KCNH1: variants seen among roughly 807,000 people sequenced by gnomAD.
KCNH1 encodes the protein potassium voltage-gated channel subfamily H member 1.
A neutral mutation model predicts 69.2 loss-of-function variants in KCNH1; 27 were observed. That is an observed-to-expected ratio of 0.39 (90% CI 0.29 to 0.54). KCNH1 has a LOEUF of 0.54. KCNH1 is among the 20% of genes least tolerant of loss of function. The probability of loss-of-function intolerance (pLI) is 0.68; values close to 1 mark genes in which losing one functional copy is unlikely to be tolerated. For synonymous variants in KCNH1, 456 were observed against 487.7 expected (o/e 0.93, Z 0.86); for missense variants, 798 against 1,261.6 (o/e 0.63, Z 5.57).
At chr1:211,124,230 T>C (rs1391685911) in intron 1 of KCNH1, among the ~76,000 whole-genome samples, 1 of 152,188 alleles carries the variant, frequency 6.6e-6, no homozygotes, top group Non-Finnish European at 1.5e-5. Flanking sequence ...CTCACTGAAC[T>C]GAAAAGCAAG....
intron 10 of KCNH1, among the ~76,000 whole-genome samples, chr1:210,721,998 C>T (rs1487432524): frequency 6.6e-6 from 1 of 152,152 alleles, no homozygotes; most frequent in Non-Finnish European, 1.5e-5. Context: ...CCTGCCACTT[C>T]CCTCCACTGC....
At chr1:210,693,712 T>A (rs1039326688) in intron 10 of KCNH1, among the ~76,000 whole-genome samples, 6 of 152,194 alleles carry the variant, frequency 3.9e-5, no homozygotes, top group African/African-American at 1.4e-4. Flanking sequence ...TTACATCATC[T>A]TATTCACTCT....
intron 10 of KCNH1, among the ~76,000 whole-genome samples, chr1:210,719,772 T>C (rs1285283528): frequency 1.3e-5 from 2 of 152,194 alleles, no homozygotes; most frequent in African/African-American, 4.8e-5. Flanking sequence ...ATGAATAATT[T>C]AACTTTTAAT....
intron 7 of KCNH1, among the ~76,000 whole-genome samples, chr1:210,842,324 T>C (rs1372953224): frequency 6.6e-6 from 1 of 152,182 alleles, no homozygotes; most frequent in Non-Finnish European, 1.5e-5. Flanking sequence ...ATAACAAGTG[T>C]TATCTTAAAA....
At chr1:211,014,321 G>A (rs924568) in intron 6 of KCNH1, among the ~76,000 whole-genome samples, 107,915 of 152,148 alleles carry the variant, frequency 0.71, 39,215 homozygotes, top group African/African-American at 0.87. Flanking sequence ...TGACATACCC[G>A]TTCTAAGCTT....
chr1:211,121,009 A>ACTGCTC (rs1203173808), intron 1 of KCNH1, among the ~76,000 whole-genome samples: 1 of 152,186 alleles, frequency 6.6e-6, no homozygotes, highest in Non-Finnish European at 1.5e-5. Flanking sequence ...AGAACAAACT[A>ACTGCTC]CTGCTCAGGG....
chr1:210,881,194 G>C (rs978775148), intron 7 of KCNH1, among the ~76,000 whole-genome samples: 1 of 152,040 alleles, frequency 6.6e-6, no homozygotes, highest in Non-Finnish European at 1.5e-5. Context: ...GTTGAGATGG[G>C]CTTTCACTAC....
In KCNH1 at chr1:210,797,523, C is replaced by T; in HGVS notation, c.1900G>A (p.Val634Met). Residue 634 changes from valine to methionine, a missense_variant, in exon 9 of 11, where the codon GTG (valine) becomes ATG (methionine). Transcript: ENST00000271751. ...GSLEVIQDDEVVAILGKGDVF... is the reference protein window; with the variant it reads ...GSLEVIQDDEMVAILGKGDVF... ...CAACACCTACCTAGAATGGCCACCA[C>T]CTCATCATCTTGGATCACCTCCAGG... 6.2e-7 allele frequency: 1 copy of T among 1,614,178 alleles called. No homozygotes were observed. Among genetic ancestry groups the T allele is most frequent in the Non-Finnish European group, 8.5e-7 (1 of 1,180,010 alleles).
chr1:210,760,009 C>T (rs1558458216), intron 10 of KCNH1, among the ~76,000 whole-genome samples: 1 of 152,180 alleles, frequency 6.6e-6, no homozygotes, highest in African/African-American at 2.4e-5. Context: ...TCATAGGAGT[C>T]TGAACCCTAT....
At chr1:210,744,109 T>G (rs2149038609) in intron 10 of KCNH1, among the ~76,000 whole-genome samples, 2 of 152,310 alleles carry the variant, frequency 1.3e-5, no homozygotes, top group Middle Eastern at 6.8e-3. Flanking sequence ...CTCTCATTTT[T>G]CCTGTAGAGG....
At chr1:211,038,719 C>G (rs1689942278) in intron 5 of KCNH1, among the ~76,000 whole-genome samples, 2 of 151,992 alleles carry the variant, frequency 1.3e-5, no homozygotes, top group Non-Finnish European at 2.9e-5. Context: ...TTGCCCCTGC[C>G]CTAGTGATTT....
chr1:210,705,098 C>G (rs1049254949), intron 10 of KCNH1, among the ~76,000 whole-genome samples: 5 of 152,168 alleles, frequency 3.3e-5, no homozygotes, highest in Non-Finnish European at 7.3e-5. Flanking sequence ...ATCTCACTTG[C>G]ATTACCAACT....
rs530255577 is a variant in KCNH1, at chr1:210,711,065, C to T, written c.2113-26927G>A. ...TGGTTCAGTCCACTGTGAACTGGCT[C>T]TCTGGCTCCCAAATCTCCCTTTATT... On this transcript the variant is annotated intron_variant, in intron 10 of 10. Coordinates refer to ENST00000271751, the MANE Select transcript of KCNH1 (RefSeq NM_172362.3). Among the ~76,000 whole-genome samples the T allele has an allele frequency of 8.5e-5, 13 of 152,338 alleles. No homozygotes were observed. In the South Asian group the frequency reaches 2.7e-3, roughly 32 times the overall value.
chr1:211,081,635 A>G (rs1355158010), intron 5 of KCNH1, among the ~76,000 whole-genome samples: 1 of 152,248 alleles, frequency 6.6e-6, no homozygotes, highest in Non-Finnish European at 1.5e-5. Flanking sequence ...AATACTATGC[A>G]GCCATTAAAA....
At chr1:210,722,473 G>T (rs1247311434) in intron 10 of KCNH1, among the ~76,000 whole-genome samples, 1 of 152,182 alleles carries the variant, frequency 6.6e-6, no homozygotes, top group African/African-American at 2.4e-5. Context: ...GAACTCATGA[G>T]AAGGGATCAG....
At chr1:210,840,453 C>T (rs897031729) in intron 7 of KCNH1, among the ~76,000 whole-genome samples, 7 of 152,166 alleles carry the variant, frequency 4.6e-5, no homozygotes, top group Admixed American at 6.6e-5. Flanking sequence ...GGGGCTGCTT[C>T]GCAACAGTTA....
intron 9 of KCNH1, 77 bp from the exon 10 acceptor site, chr1:210,775,621 C>T: frequency 9.2e-7 from 1 of 1,086,684 alleles, no homozygotes; most frequent in African/African-American, 1.6e-5. Context: ...CCTCTATTCC[C>T]CAGAATTGCT....
intron 7 of KCNH1, among the ~76,000 whole-genome samples, chr1:210,816,154 G>C (rs1684810789): frequency 6.6e-6 from 1 of 152,058 alleles, no homozygotes; most frequent in African/African-American, 2.4e-5. Flanking sequence ...GAAGCTCCCC[G>C]AAACAGAGAA....
At chr1:210,818,434 A>G (rs1684862036) in intron 7 of KCNH1, among the ~76,000 whole-genome samples, 2 of 152,178 alleles carry the variant, frequency 1.3e-5, no homozygotes, top group African/African-American at 2.4e-5. Context: ...CATCATAGTA[A>G]TCAGAGCTTT....
Sources: gnomAD v4.1 joint callset for allele counts (sites outside exome capture counted in the v4.1 genomes callset) on GRCh38, gnomAD v4.1.1 for gene constraint, MANE v1.5 for transcripts, NCBI Gene and HGNC (gene_info 2026-07-23, HGNC 2026-07-21) for gene names.